The following SHANK2 variants were observed in gnomAD, a reference collection of about 807,000 sequenced individuals.
SHANK2 encodes the protein SH3 and multiple ankyrin repeat domains 2.
A neutral mutation model predicts 133.7 loss-of-function variants in SHANK2; 43 were observed. That is an observed-to-expected ratio of 0.32 (90% CI 0.25 to 0.41). The LOEUF (loss-of-function observed/expected upper bound fraction) is 0.41. SHANK2 is among the 10% of genes least tolerant of loss of function. SHANK2 has a pLI of 1.00. For missense variants in SHANK2, 1,994 were observed against 2,235.8 expected (o/e 0.89, Z 2.18); for synonymous variants, 1,017 against 952.8 (o/e 1.07, Z -1.24).
chr11:70,874,103 A>G (rs1272718531), intron 11 of SHANK2, among the ~76,000 whole-genome samples: 3 of 152,032 alleles, frequency 2.0e-5, no homozygotes, highest in African/African-American at 7.2e-5. Flanking sequence ...CATCTTATCT[A>G]TCAATCCATC....
Position 71,090,442 on chromosome 11 carries a change from C to CCTGTGTGTGTGTGT in SHANK2, c.912+1979_912+1980insACACACACACACAG, listed in dbSNP as rs1293097073. ...GCCAGGGTTCTCCAGAGAAACACTACGTGTGTGTGTGTGTGTGTGTGTGTG... is the reference window on the plus strand; with the variant it reads ...GCCAGGGTTCTCCAGAGAAACACTACCTGTGTGTGTGTGTGTGTGTGTGTGTGTGTGTGTGTGTG... On this transcript the variant is annotated intron_variant, in intron 8 of 25. Transcript: ENST00000601538. 2.5e-4 allele frequency among the ~76,000 whole-genome samples: 2 copies of CCTGTGTGTGTGTGT among 8,044 alleles called. 1 individual carries two copies. The highest frequency in any genetic ancestry group is 9.7e-4 in the African/African-American group (2 of 2,058). 5.3% of individuals were successfully genotyped at this position (8,044 alleles called of 152,430 possible). A position where few individuals can be genotyped will look rare whatever the true frequency, so the allele number is the denominator to read the frequency against.
rs140777500 is a variant in SHANK2 at position 70,601,807 on chromosome 11, C to T, written c.2061+58021G>A. ...CTCAAGTCCATTAGTAATCAGGAAA[C>T]GCACATTCAAATGGCAATGAAAAAT... On this transcript the variant is annotated intron_variant, in intron 17 of 25. Transcript: ENST00000601538. Among the ~76,000 whole-genome samples the T allele has an allele frequency of 4.9e-3, 752 of 152,312 alleles. 1 individual carries two copies. The highest frequency in any genetic ancestry group is 6.8e-3 in the Middle Eastern group (2 of 294).
At chr11:71,127,170 G>A (rs1952208002) in intron 3 of SHANK2, among the ~76,000 whole-genome samples, 2 of 152,204 alleles carry the variant, frequency 1.3e-5, no homozygotes, top group South Asian at 2.1e-4. Context: ...TGGGGCTGAC[G>A]ATGGGACTGA....
At chr11:70,502,723 G>T (rs1327335178) in intron 18 of SHANK2, 73 bp downstream of exon 18, 7 of 1,036,424 alleles carry the variant, frequency 6.8e-6, no homozygotes. Flanking sequence ...CTGCCCCCCA[G>T]CTGTCCTGCC....
intron 11 of SHANK2, among the ~76,000 whole-genome samples, chr11:70,841,669 C>T (rs2135432147): frequency 6.6e-6 from 1 of 152,338 alleles, no homozygotes; most frequent in East Asian, 1.9e-4. Context: ...TTTCCGTCTG[C>T]TTCTCCCTTA....
chr11:70,617,184 G>A (rs2060757082), intron 17 of SHANK2, among the ~76,000 whole-genome samples: 1 of 151,696 alleles, frequency 6.6e-6, no homozygotes, highest in Admixed American at 6.6e-5. Context: ...GTGTGTGTCA[G>A]TGTCTATGAA....
chr11:70,568,652 C>CCCA (rs1248567918), intron 17 of SHANK2, among the ~76,000 whole-genome samples: 5 of 128,542 alleles, frequency 3.9e-5, no homozygotes, highest in Admixed American at 1.5e-4. Context: ...TCCTGCCCCC[C>CCCA]CCGCCCACTT....
intron 17 of SHANK2, among the ~76,000 whole-genome samples, chr11:70,605,955 C>A (rs375931299): frequency 1.4e-4 from 21 of 152,252 alleles, no homozygotes; most frequent in South Asian, 6.2e-4. Flanking sequence ...TATTCCCCCC[C>A]CTCCTTGGGG....
intron 1 of SHANK2, among the ~76,000 whole-genome samples, chr11:71,231,123 A>G (rs1379200674): frequency 2.0e-5 from 3 of 152,234 alleles, no homozygotes; most frequent in Admixed American, 6.5e-5. Context: ...AAGGAGAAAA[A>G]CACAAACCAT....
rs1456669601 is a variant in SHANK2, at chr11:71,173,076, C to T, written c.-12-25738G>A. Among the ~76,000 whole-genome samples the T allele has an allele frequency of 9.8e-5, 15 of 152,308 alleles. 1 individual carries two copies. The highest frequency in any genetic ancestry group is 2.6e-4 in the African/African-American group (11 of 41,576). The stretch of plus-strand genomic sequence containing the variant: ...CTCTTAGCAGGGAAAGGCAGAACGC[C>T]TTGTTTGATGAAGTGTCTTATAAAT... On this transcript the variant is annotated intron_variant, in intron 2 of 25. Transcript: ENST00000601538.
chr11:70,599,947 GAAAGAAAGAAAGAAAGAA>G (rs1202581661), intron 17 of SHANK2, among the ~76,000 whole-genome samples: 14 of 131,482 alleles, frequency 1.1e-4, no homozygotes, highest in African/African-American at 4.7e-4. Context: ...AAGAAAGAAA[GAAAGAAAGAAAGAAAGAA>G]AGAAAGAAAA....
chr11:70,773,732 T>C (rs978869081), intron 14 of SHANK2, among the ~76,000 whole-genome samples: 2 of 152,196 alleles, frequency 1.3e-5, no homozygotes, highest in Non-Finnish European at 2.9e-5. Flanking sequence ...ATGCTTCACA[T>C]CATTAGTTAT....
intron 14 of SHANK2, among the ~76,000 whole-genome samples, chr11:70,782,214 G>A (rs950806819): frequency 1.1e-4 from 16 of 152,158 alleles, no homozygotes; most frequent in Non-Finnish European, 1.8e-4. Context: ...ACAGGTGCCC[G>A]CTACCAAGCC....
chr11:70,709,226 A>G (rs1378769902), intron 14 of SHANK2, among the ~76,000 whole-genome samples: 4 of 152,224 alleles, frequency 2.6e-5, no homozygotes, highest in Non-Finnish European at 5.9e-5. Context: ...AAAACAAAAC[A>G]AAACATACTA....
At chr11:71,096,279 G>A (rs1951610637) in intron 6 of SHANK2, among the ~76,000 whole-genome samples, 1 of 152,190 alleles carries the variant, frequency 6.6e-6, no homozygotes, top group African/African-American at 2.4e-5. Context: ...TGGCAGTGGG[G>A]GATGTTTCTT....
rs529360465 is a variant in SHANK2, at chr11:70,644,505, C to T, written c.2061+15323G>A. Among the ~76,000 whole-genome samples the T allele has an allele frequency of 2.8e-4, 43 of 152,338 alleles. No homozygotes were observed. The South Asian group carries it at 8.9e-3, about 32-fold the overall frequency. The stretch of plus-strand genomic sequence containing the variant: ...TTCCCGATGGGTCCCAGGCTGGATA[C>T]CTCCATGTGGGGTGGACGCAGCGAC... On this transcript the variant is annotated intron_variant, in intron 17 of 25. Transcript: ENST00000601538.
intron 6 of SHANK2, among the ~76,000 whole-genome samples, chr11:71,108,136 T>C (rs1356914676): frequency 6.6e-6 from 1 of 152,190 alleles, no homozygotes; most frequent in Non-Finnish European, 1.5e-5. Flanking sequence ...CTCAAGGTCA[T>C]GCTCAGGAGC....
chr11:71,245,948 G>A (rs1954955241), intron 1 of SHANK2, among the ~76,000 whole-genome samples: 1 of 152,214 alleles, frequency 6.6e-6, no homozygotes, highest in Admixed American at 6.5e-5. Flanking sequence ...GAAGAGGGGA[G>A]TGGAGCAGAT....
intron 12 of SHANK2, among the ~76,000 whole-genome samples, chr11:70,814,894 CATCCAGAGTTGTT>C (rs758818555): frequency 1.3e-3 from 196 of 152,272 alleles, no homozygotes; most frequent in Non-Finnish European, 2.2e-3. Context: ...TGTAGAAATA[CATCCAGAGTTGTT>C]CTGAACCCGG....
Sources: gnomAD v4.1 joint callset for allele counts (sites outside exome capture counted in the v4.1 genomes callset) on GRCh38, gnomAD v4.1.1 for gene constraint, MANE v1.5 for transcripts, NCBI Gene and HGNC (gene_info 2026-07-23, HGNC 2026-07-21) for gene names.